NPTN: variants seen among roughly 807,000 people sequenced by gnomAD.
NPTN encodes the protein neuroplastin, also known as SDR-1.
In NPTN, 5 loss-of-function variants were observed where a neutral mutation model predicts 42.7. The ratio of observed to expected loss-of-function variants is 0.12; its 90% CI spans 0.06 to 0.25. NPTN has a LOEUF of 0.25. Ranked by LOEUF, NPTN falls within the 10% of genes least tolerant of loss-of-function variation. NPTN has a pLI of 1.00. For missense variants in NPTN, 307 were observed against 525.4 expected (o/e 0.58, Z 4.06); for synonymous variants, 180 against 201.9 (o/e 0.89, Z 0.92).
rs923438451 is a variant in NPTN, at chr15:73,569,048, CACAA to C, written c.1114+1098_1114+1101del. 90 of 985,452 alleles carry C rather than the reference CACAA, an allele frequency of 9.1e-5. No homozygotes were observed. In the African/African-American group the frequency reaches 1.5e-3, roughly 17 times the overall value. The allele number at this position is 985,452 out of a possible 1,614,324, so 61.0% of individuals were successfully genotyped here. On this transcript the variant is annotated intron_variant, in intron 6 of 8. Coordinates refer to ENST00000345330, the MANE Select transcript of NPTN (RefSeq NM_012428.4). The surrounding 1 kb of genome is among the most constrained non-coding windows in gnomAD (Gnocchi z 4.1). ...GGGGCAGGATACAGCACCACAGGTG[CACAA>C]ACACAGGCCCCAGAACAGCTGGACT...
At chr15:73,582,174 G>A (rs1431371004) in intron 4 of NPTN, among the ~76,000 whole-genome samples, 1 of 152,176 alleles carries the variant, frequency 6.6e-6, no homozygotes, top group Non-Finnish European at 1.5e-5. Context: ...TCATAACCCA[G>A]CAACTTATCT....
chr15:73,612,161 T>C (rs558990449), intron 1 of NPTN, among the ~76,000 whole-genome samples: 3 of 152,068 alleles, frequency 2.0e-5, no homozygotes, highest in East Asian at 3.9e-4. Flanking sequence ...TGGCTCATGC[T>C]TGTAATCCCA....
intron 4 of NPTN, among the ~76,000 whole-genome samples, chr15:73,581,836 CTTT>C (rs975626130): frequency 2.0e-5 from 3 of 147,818 alleles, no homozygotes; most frequent in African/African-American, 7.5e-5. Context: ...ATATGGTGCT[CTTT>C]TTTTTTTTCT....
chr15:73,561,979 G>A lies in NPTN; in HGVS notation c.1137-9C>T. 1.9e-6 allele frequency: 3 copies of A among 1,590,688 alleles called. No individual in the cohort carries two copies. The highest frequency in any genetic ancestry group is 2.6e-6 in the Non-Finnish European group (3 of 1,171,644). On this transcript the variant is annotated splice_polypyrimidine_tract_variant and intron_variant, in intron 7 of 8. Coordinates refer to ENST00000345330, the MANE Select transcript of NPTN (RefSeq NM_012428.4). Reference sequence around the variant, plus strand: ...TGGTAGAGTTGGTTTTCCTTTGGAGGAAAAATTGCATTACATGAGTTAAAC... The same window carrying A: ...TGGTAGAGTTGGTTTTCCTTTGGAGAAAAAATTGCATTACATGAGTTAAAC...
At chr15:73,587,783 A>G (rs1401591177) in intron 3 of NPTN, among the ~76,000 whole-genome samples, 165 bp from the exon 4 acceptor site, 1 of 152,220 alleles carries the variant, frequency 6.6e-6, no homozygotes, top group Non-Finnish European at 1.5e-5. Flanking sequence ...ATCCTAAAAC[A>G]TTAATGTCTT....
At chr15:73,602,687 T>A (rs1897129572) in intron 1 of NPTN, among the ~76,000 whole-genome samples, 1 of 152,122 alleles carries the variant, frequency 6.6e-6, no homozygotes, top group South Asian at 2.1e-4. Flanking sequence ...TGACCAAGGG[T>A]AAGGCAGGCT....
At chr15:73,587,654 T>C in intron 3 of NPTN, 36 bp from the exon 4 acceptor site, 1 of 1,430,706 alleles carries the variant, frequency 7.0e-7, no homozygotes. Flanking sequence ...GTGAGGAAAC[T>C]GGGAACGGTC....
chr15:73,621,152 T>C (rs761555471), intron 1 of NPTN, among the ~76,000 whole-genome samples: 1 of 152,080 alleles, frequency 6.6e-6, no homozygotes, highest in Non-Finnish European at 1.5e-5. Context: ...AGAATGGGGA[T>C]GAAAAATAAC....
Position 73,597,229 on chromosome 15 carries a change from G to A in NPTN, c.232C>T (p.Leu78=), listed in dbSNP as rs748606455. 2.5e-6 allele frequency: 4 copies of A among 1,614,154 alleles called. No homozygotes were observed. The highest frequency in any genetic ancestry group is 3.4e-6 in the Non-Finnish European group (4 of 1,180,012). The change falls in exon 2 of 9, where the codon CTG becomes TTG. Residue 78 remains leucine (L), a synonymous_variant. Transcript: ENST00000345330. The surrounding 1 kb of genome is among the most constrained non-coding windows in gnomAD (Gnocchi z 6.3). ...EVNRAESFRQ[L]WDGARKRRVT... ...CGGCGCTTCCGAGCACCGTCCCACA[G>A]CTGTCTGAAAGACTCTGCCCGGTTG...
At chr15:73,618,729 G>A (rs770185567) in intron 1 of NPTN, among the ~76,000 whole-genome samples, 6 of 152,000 alleles carry the variant, frequency 3.9e-5, no homozygotes, top group South Asian at 2.1e-4. Flanking sequence ...CCCACTACTC[G>A]GGAGGCTGGG....
rs1013971363 is a variant in NPTN, at chr15:73,560,686, G to A, written c.*377C>T. On this transcript the variant is annotated 3_prime_UTR_variant, in exon 9 of 9. Coordinates refer to ENST00000345330, the MANE Select transcript of NPTN (RefSeq NM_012428.4). ...GTAGGTTTTGCTGTACTTTACAAAA[G>A]TGTATCACTAGATGGCAGCAGTGCA... 6.6e-6 allele frequency: 1 copy of A among 150,756 alleles called. No homozygotes were observed. The highest frequency in any genetic ancestry group is 2.4e-5 in the African/African-American group (1 of 41,004). 9.3% of individuals were successfully genotyped at this position (150,756 alleles called of 1,614,324 possible).
intron 6 of NPTN, chr15:73,568,459 A>C (rs1895166886): frequency 3.0e-6 from 3 of 985,346 alleles, no homozygotes; most frequent in Non-Finnish European, 3.6e-6. Context: ...TTCAGGAATG[A>C]GGCATAACTG....
chr15:73,633,363 C>T lies in NPTN; in HGVS notation c.-148G>A, dbSNP rs1458399776. 7.5e-6 allele frequency: 4 copies of T among 533,706 alleles called. No homozygotes were observed. The African/African-American group carries it at 7.9e-5, about 11-fold the overall frequency. 33.1% of individuals were successfully genotyped at this position (533,706 alleles called of 1,614,324 possible). ...CTCGGCTCCGTCCTTCCCCGTCCTC[C>T]TCCTGCCGCCGCAGCGCCCAGGCCT... On this transcript the variant is annotated 5_prime_UTR_variant, in exon 1 of 9. Coordinates refer to ENST00000345330, the MANE Select transcript of NPTN (RefSeq NM_012428.4).
At chr15:73,591,228 C>T (rs936723917) in intron 3 of NPTN, among the ~76,000 whole-genome samples, 5 of 152,218 alleles carry the variant, frequency 3.3e-5, no homozygotes, top group Admixed American at 6.5e-5. Context: ...GATACACAGG[C>T]TTTCCTGGTC....
chr15:73,583,088 A>G (rs933591444), intron 4 of NPTN, among the ~76,000 whole-genome samples: 1 of 152,190 alleles, frequency 6.6e-6, no homozygotes, highest in Non-Finnish European at 1.5e-5. Flanking sequence ...CTCTGTCCAC[A>G]TAAGGGAACC....
Position 73,575,755 on chromosome 15 carries a change from T to G in NPTN, c.707-1960A>C, listed in dbSNP as rs539330245. 6.6e-5 allele frequency among the ~76,000 whole-genome samples: 10 copies of G among 152,314 alleles called. No individual in the cohort carries two copies. The East Asian group carries it at 1.9e-3, about 29-fold the overall frequency. On this transcript the variant is annotated intron_variant, in intron 4 of 8. Transcript: ENST00000345330. ...ATGCAAAGTCCTACTAGTCACAGAA[T>G]GTGCTTCCCAGGCACAAACTGGTTT...
At position 73,560,151 on chromosome 15, in the gene NPTN, A is replaced by G. The variant is rs764635002; in HGVS notation, c.*912T>C. On this transcript the variant is annotated 3_prime_UTR_variant, in exon 9 of 9. Coordinates refer to ENST00000345330, the MANE Select transcript of NPTN (RefSeq NM_012428.4). ...CGCATGAGAACCGTTAGGTTATAAA[A>G]TCTATCATCAACCAGTAAATCAATG... The G allele has an allele frequency of 1.7e-5, 6 of 350,622 alleles. No homozygotes were observed. Among genetic ancestry groups the G allele is most frequent in the Non-Finnish European group, 3.0e-5 (6 of 197,646 alleles). The allele number at this position is 350,622 out of a possible 1,614,324, so 21.7% of individuals were successfully genotyped here. A position where few individuals can be genotyped will look rare whatever the true frequency, so the allele number is the denominator to read the frequency against.
intron 1 of NPTN, among the ~76,000 whole-genome samples, chr15:73,609,185 T>C (rs1897437376): frequency 2.0e-5 from 3 of 152,236 alleles, no homozygotes; most frequent in African/African-American, 2.4e-5. Context: ...ACAACACTTT[T>C]AATAATGTCA....
intron 3 of NPTN, among the ~76,000 whole-genome samples, chr15:73,588,728 A>G (rs1211064611): frequency 6.6e-6 from 1 of 152,112 alleles, no homozygotes; most frequent in Non-Finnish European, 1.5e-5. Context: ...TCCAGCCCCA[A>G]TCTAAATGTC....
Sources: allele counts gnomAD v4.1 joint callset (sites outside exome capture counted in the v4.1 genomes callset), GRCh38; gene constraint gnomAD v4.1.1; non-coding constraint Gnocchi (gnomAD v3.1); transcripts MANE v1.5; gene names NCBI Gene and HGNC (gene_info 2026-07-23, HGNC 2026-07-21).